Variants in FMNL2 observed in about 807,000 individuals in gnomAD.
FMNL2 encodes formin-like protein 2.
Under a neutral mutation model 130.2 loss-of-function variants are expected in FMNL2, and 51 were observed. The ratio of observed to expected loss-of-function variants is 0.39; its 90% confidence interval spans 0.31 to 0.49. The LOEUF (loss-of-function observed/expected upper bound fraction) is 0.49. FMNL2 is among the 20% of genes least tolerant of loss of function. FMNL2 has a pLI of 0.85. For missense variants in FMNL2, 977 were observed against 1,316.2 expected, an observed-to-expected ratio of 0.74 and a Z score of 3.99; for synonymous variants, 465 against 467.1, an observed-to-expected ratio of 1.00 and a Z score of 0.06.
chr2:152,370,706 A>T (rs1683826171), intron 1 of FMNL2, among the ~76,000 whole-genome samples: 1 of 152,202 alleles, frequency 6.6e-6, no homozygotes, highest in Non-Finnish European at 1.5e-5. Flanking sequence ...GTAAAGAATC[A>T]TCCCAAAACA....
chr2:152,597,792 A>G (rs919497623), intron 9 of FMNL2, among the ~76,000 whole-genome samples: 1 of 152,216 alleles, frequency 6.6e-6, no homozygotes, highest in Non-Finnish European at 1.5e-5. Flanking sequence ...CTGGTACCCA[A>G]ATCCATTCTC....
chr2:152,427,844 T>C (rs554490696), intron 1 of FMNL2, among the ~76,000 whole-genome samples: 2 of 152,306 alleles, frequency 1.3e-5, no homozygotes, highest in South Asian at 4.1e-4. Flanking sequence ...TGTATTTAGA[T>C]TATAGTAGGA....
At chr2:152,362,891 G>A (rs982511383) in intron 1 of FMNL2, among the ~76,000 whole-genome samples, 18 of 152,142 alleles carry the variant, frequency 1.2e-4, no homozygotes, top group African/African-American at 4.1e-4. Context: ...GCTACAACAC[G>A]GTGAATCTAG....
At chr2:152,492,556 A>G (rs1691273347) in intron 1 of FMNL2, among the ~76,000 whole-genome samples, 1 of 152,106 alleles carries the variant, frequency 6.6e-6, no homozygotes, top group Non-Finnish European at 1.5e-5. Flanking sequence ...TTTTTATCTA[A>G]GGCTTTGTAA....
intron 25 of FMNL2, among the ~76,000 whole-genome samples, chr2:152,644,739 G>C (rs996653659): frequency 6.6e-6 from 1 of 152,182 alleles, no homozygotes; most frequent in Non-Finnish European, 1.5e-5. Flanking sequence ...TCTGTGATCA[G>C]ATCATATCTT....
intron 7 of FMNL2, among the ~76,000 whole-genome samples, chr2:152,577,268 G>T (rs777525089): frequency 2.0e-5 from 3 of 152,078 alleles, no homozygotes; most frequent in Non-Finnish European, 1.5e-5. Flanking sequence ...TTTTGTCTTG[G>T]GCACCTGTGA....
intron 15 of FMNL2, among the ~76,000 whole-genome samples, chr2:152,624,027 A>G (rs1349838784): frequency 6.5e-5 from 8 of 123,344 alleles, no homozygotes; most frequent in Non-Finnish European, 1.3e-4. Flanking sequence ...CTGAGAATCC[A>G]TACAATTCCT....
intron 1 of FMNL2, among the ~76,000 whole-genome samples, chr2:152,460,574 C>T (rs1293761580): frequency 1.3e-5 from 2 of 152,168 alleles, no homozygotes; most frequent in African/African-American, 2.4e-5. Context: ...CCCCAACCCC[C>T]GGGCCACGGA....
chr2:152,377,157 A>G (rs1390893692), intron 1 of FMNL2, among the ~76,000 whole-genome samples: 2 of 152,268 alleles, frequency 1.3e-5, no homozygotes. Flanking sequence ...AGTGGCTGAC[A>G]TACTGTAGAT....
At chr2:152,383,273 C>CTTTTTTTTTTTTTTTTT (rs35206829) in intron 1 of FMNL2, among the ~76,000 whole-genome samples, 1 of 97,600 alleles carries the variant, frequency 1.0e-5, no homozygotes, top group Non-Finnish European at 2.0e-5. Flanking sequence ...TCCGTTAATC[C>CTTTTTTTTTTTTTTTTT]TTTTTTTTTT....
intron 1 of FMNL2, among the ~76,000 whole-genome samples, chr2:152,349,618 C>A (rs1308978237): frequency 2.0e-5 from 3 of 152,198 alleles, no homozygotes; most frequent in Non-Finnish European, 2.9e-5. Flanking sequence ...TTATATGCTG[C>A]AAAATCTGAC....
At chr2:152,431,911 C>CTGTGATCA (rs1687509656) in intron 1 of FMNL2, among the ~76,000 whole-genome samples, 1 of 141,870 alleles carries the variant, frequency 7.0e-6, no homozygotes, top group Admixed American at 7.2e-5. Flanking sequence ...CTGCAGTGAG[C>CTGTGATCA]TGTGATCACA....
intron 1 of FMNL2, among the ~76,000 whole-genome samples, chr2:152,511,734 T>C (rs1444557903): frequency 2.0e-5 from 3 of 152,108 alleles, no homozygotes; most frequent in Non-Finnish European, 4.4e-5. Flanking sequence ...ATAATCTTAA[T>C]GTCCTGAGAA....
In FMNL2 at chr2:152,646,338, C is replaced by T. The variant is rs527301210; in HGVS notation, c.3170-1458C>T. ...GAGACTGTCCTCCCCTCACAACCCC[C>T]GCCCACCCCCCCAGAAAAGAGTAGG... On this transcript the variant is annotated intron_variant, in intron 25 of 25. Coordinates refer to ENST00000288670, the MANE Select transcript of FMNL2 (RefSeq NM_052905.4). Among the ~76,000 whole-genome samples, 27 of 14,852 alleles carry T rather than the reference C, an allele frequency of 1.8e-3. No individual in the cohort carries two copies. The East Asian group carries it at 0.039, about 22-fold the overall frequency. The allele number at this position is 14,852 out of a possible 152,430, so 9.7% of individuals were successfully genotyped here. A position where few individuals can be genotyped will look rare whatever the true frequency, so the allele number is the denominator to read the frequency against.
chr2:152,436,558 G>T (rs549890869), intron 1 of FMNL2, among the ~76,000 whole-genome samples: 1 of 152,316 alleles, frequency 6.6e-6, no homozygotes, highest in East Asian at 1.9e-4. Flanking sequence ...TTCTTGGCAG[G>T]TGGGTTGCAT....
intron 1 of FMNL2, among the ~76,000 whole-genome samples, chr2:152,394,723 T>TG: frequency 5.1e-5 from 1 of 19,788 alleles, no homozygotes; most frequent in East Asian, 3.5e-3. Flanking sequence ...ACTGTTGGGT[T>TG]TTTTTTTTTT....
intron 1 of FMNL2, among the ~76,000 whole-genome samples, chr2:152,444,996 G>T (rs529005804): frequency 1.3e-5 from 2 of 152,360 alleles, no homozygotes; most frequent in South Asian, 4.1e-4. Context: ...GGCAAAGCCA[G>T]TTGGGGGAGG....
chr2:152,502,468 C>T (rs371919356), intron 1 of FMNL2, among the ~76,000 whole-genome samples: 2 of 152,184 alleles, frequency 1.3e-5, no homozygotes, highest in Non-Finnish European at 2.9e-5. Context: ...GGGTGGATCA[C>T]CTGAGGTCAG....
chr2:152,377,912 G>C (rs556901664), intron 1 of FMNL2, among the ~76,000 whole-genome samples: 1 of 151,948 alleles, frequency 6.6e-6, no homozygotes, highest in African/African-American at 2.4e-5. Flanking sequence ...TAGGCAAATC[G>C]CTTGAACCCG....
Sources: gnomAD v4.1 joint callset for allele counts (sites outside exome capture counted in the v4.1 genomes callset) on GRCh38, gnomAD v4.1.1 for gene constraint, MANE v1.5 for transcripts, NCBI Gene and HGNC (gene_info 2026-07-23, HGNC 2026-07-21) for gene names.